RIC1: variants seen among roughly 807,000 people sequenced by gnomAD.
RIC1 encodes the protein RIC1 partner of RAB6A GEF complex.
A neutral mutation model predicts 169.0 loss-of-function variants in RIC1; 88 were observed. The ratio of observed to expected loss-of-function variants is 0.52; its 90% CI spans 0.44 to 0.62. RIC1 has a LOEUF of 0.62. Ranked by LOEUF, RIC1 falls within the 20% of genes least tolerant of loss-of-function variation. The probability of loss-of-function intolerance (pLI) is 0.00; values close to 1 mark genes in which losing one functional copy is unlikely to be tolerated. For missense variants in RIC1, 1,877 were observed against 1,725.5 expected, an observed-to-expected ratio of 1.09 and a Z score of -1.56; for synonymous variants, 790 against 601.5, an observed-to-expected ratio of 1.31 and a Z score of -4.59.
At chr9:5,654,992 C>G (rs1188416348) in intron 1 of RIC1, among the ~76,000 whole-genome samples, 3 of 152,162 alleles carry the variant, frequency 2.0e-5, no homozygotes, top group Non-Finnish European at 4.4e-5. Context: ...TCAATTCTGT[C>G]AAATTTTCTA....
rs1825713485 is a variant in RIC1, at chr9:5,751,364, G to A, written c.1453-1836G>A. Among the ~76,000 whole-genome samples, 3 of 151,782 alleles carry A rather than the reference G, an allele frequency of 2.0e-5. 1 individual carries two copies. Among genetic ancestry groups the A allele is most frequent in the African/African-American group, 7.3e-5 (3 of 41,180 alleles). On this transcript the variant is annotated intron_variant, in intron 12 of 25. Transcript: ENST00000414202. ...ATCATAGTGATCTTTTTGGGGGTCT[G>A]GGGGGCAGGGAGACAGAGTCTCACT...
intron 2 of RIC1, among the ~76,000 whole-genome samples, chr9:5,674,297 G>C (rs192000871): frequency 9.9e-5 from 15 of 151,948 alleles, no homozygotes; most frequent in African/African-American, 3.6e-4. Context: ...TTATGATCCT[G>C]TATGAATTTT....
At chr9:5,756,448 A>C (rs1826022602) in intron 16 of RIC1, 76 bp downstream of exon 16, 1 of 1,014,916 alleles carries the variant, frequency 9.9e-7, no homozygotes, top group South Asian at 3.5e-5. Flanking sequence ...TTGTTTTCTC[A>C]AAACAGTTAT....
chr9:5,694,308 C>G (rs1396746809), intron 3 of RIC1, among the ~76,000 whole-genome samples: 1 of 152,070 alleles, frequency 6.6e-6, no homozygotes, highest in Non-Finnish European at 1.5e-5. Flanking sequence ...ATATATGTTT[C>G]TTTTTGCTAA....
chr9:5,643,121 G>C (rs1267588194), intron 1 of RIC1, among the ~76,000 whole-genome samples: 1 of 152,006 alleles, frequency 6.6e-6, no homozygotes, highest in Non-Finnish European at 1.5e-5. Flanking sequence ...ACAGTATAGG[G>C]AGACCCCCAT....
At chr9:5,716,036 G>C (rs977073749) in intron 4 of RIC1, among the ~76,000 whole-genome samples, 2 of 151,988 alleles carry the variant, frequency 1.3e-5, no homozygotes, top group Admixed American at 1.3e-4. Flanking sequence ...TAGAGACAAG[G>C]TTTCACCATG....
intron 2 of RIC1, among the ~76,000 whole-genome samples, chr9:5,685,432 A>T (rs1190555233): frequency 6.6e-6 from 1 of 150,628 alleles, no homozygotes; most frequent in Non-Finnish European, 1.5e-5. Flanking sequence ...ACAGAGATAT[A>T]GATCAATGGA....
In RIC1 at chr9:5,737,617, C is replaced by T. The variant is rs56236318; in HGVS notation, c.813-833C>T. On this transcript the variant is annotated intron_variant, in intron 7 of 25. Transcript: ENST00000414202. ...ACACACACATGTTTTATATCTTAAA[C>T]GTATATACTGTTGACCGTTGAACAG... Among the ~76,000 whole-genome samples the T allele has an allele frequency of 7.4e-3, 957 of 128,970 alleles. 13 individuals carry two copies. Among genetic ancestry groups the T allele is most frequent in the African/African-American group, 0.026 (872 of 33,886 alleles). The allele number at this position is 128,970 out of a possible 152,430, so 84.6% of individuals were successfully genotyped here. A position where few individuals can be genotyped will look rare whatever the true frequency, so the allele number is the denominator to read the frequency against.
At chr9:5,704,583 C>T (rs1822443949) in intron 3 of RIC1, among the ~76,000 whole-genome samples, 1 of 152,034 alleles carries the variant, frequency 6.6e-6, no homozygotes, top group Non-Finnish European at 1.5e-5. Context: ...GATACTACAT[C>T]CTTTTAAGAT....
intron 2 of RIC1, among the ~76,000 whole-genome samples, chr9:5,686,093 G>C (rs1002420549): frequency 6.6e-6 from 1 of 151,516 alleles, no homozygotes; most frequent in Admixed American, 6.6e-5. Context: ...TCTCACACCA[G>C]TTAGAATGGC....
At chr9:5,772,083 A>G (rs1156662454) in intron 23 of RIC1, among the ~76,000 whole-genome samples, 1 of 152,228 alleles carries the variant, frequency 6.6e-6, no homozygotes, top group Non-Finnish European at 1.5e-5. Context: ...TAAGATTTAA[A>G]TAAGGTTCAC....
intron 2 of RIC1, among the ~76,000 whole-genome samples, chr9:5,678,638 A>C (rs1264155554): frequency 6.6e-6 from 1 of 152,122 alleles, no homozygotes. Flanking sequence ...TGGCTGCATA[A>C]ATGTCTTCTT....
At chr9:5,767,932 T>C (rs1286289266) in intron 21 of RIC1, among the ~76,000 whole-genome samples, 2 of 152,244 alleles carry the variant, frequency 1.3e-5, no homozygotes, top group Non-Finnish European at 2.9e-5. Context: ...CCAGGCCTTA[T>C]TCTAAGCATT....
chr9:5,774,199 G>A lies in RIC1; in HGVS notation c.4225G>A (p.Glu1409Lys), dbSNP rs1827446010. The stretch of plus-strand genomic sequence containing the variant: ...AGAGGAGGACACAGCCCAAGCAGAG[G>A]AGGAAGAACCTTTTCAGGATGGGAC... ...RKEEDTAQAE[E>K]EEPFQDGTYD... Residue 1409 changes from glutamate (E) to lysine (K), a missense_variant, in exon 26 of 26, where the codon GAG becomes AAG. Glu to Lys is a moderately conservative substitution (Grantham distance 56). Transcript: ENST00000414202. The A allele has an allele frequency of 6.2e-7, 1 of 1,613,830 alleles. No individual in the cohort carries two copies. The highest frequency in any genetic ancestry group is 8.5e-7 in the Non-Finnish European group (1 of 1,179,884).
At chr9:5,683,274 G>C (rs187063166) in intron 2 of RIC1, among the ~76,000 whole-genome samples, 6 of 152,274 alleles carry the variant, frequency 3.9e-5, no homozygotes, top group African/African-American at 1.4e-4. Flanking sequence ...CGTCTTTGTG[G>C]TTTTATCTAC....
At chr9:5,699,048 C>A (rs772866132) in intron 3 of RIC1, among the ~76,000 whole-genome samples, 1 of 152,130 alleles carries the variant, frequency 6.6e-6, no homozygotes, top group Non-Finnish European at 1.5e-5. Context: ...GGAACTTAGG[C>A]AGAGTATTCA....
At chr9:5,777,293 TTTCAATA>T (rs1262983315), downstream of RIC1, among the ~76,000 whole-genome samples, 1 of 151,952 alleles carries the variant, frequency 6.6e-6, no homozygotes, top group African/African-American at 2.4e-5. Context: ...CTTTTTTAGG[TTTCAATA>T]TTCAAGTTTT....
At chr9:5,771,148 A>G (rs1316325115) in intron 23 of RIC1, among the ~76,000 whole-genome samples, 4 of 152,200 alleles carry the variant, frequency 2.6e-5, no homozygotes, top group Non-Finnish European at 5.9e-5. Flanking sequence ...TTGTTCTGCA[A>G]TCAGCCTCCA....
chr9:5,746,372 C>G (rs1268975633), intron 11 of RIC1, among the ~76,000 whole-genome samples: 1 of 152,072 alleles, frequency 6.6e-6, no homozygotes, highest in Non-Finnish European at 1.5e-5. Context: ...ATCTGAATAG[C>G]ATTTCCCAAA....
Sources: gnomAD v4.1 joint callset for allele counts (sites outside exome capture counted in the v4.1 genomes callset) on GRCh38, gnomAD v4.1.1 for gene constraint, MANE v1.5 for transcripts, NCBI Gene and HGNC (gene_info 2026-07-23, HGNC 2026-07-21) for gene names.